Variants in TACC2 observed in about 807,000 individuals in gnomAD.
The protein encoded by TACC2 is transforming acidic coiled-coil containing protein 2.
TACC2 carries 137 observed loss-of-function variants against 227.3 expected under a neutral mutation model. The observed-to-expected ratio is 0.60, with a 90% CI of 0.52 to 0.69. TACC2 has a LOEUF of 0.69. Ranked by LOEUF, TACC2 falls within the 30% of genes least tolerant of loss-of-function variation. TACC2 has a pLI of 0.00. For synonymous variants in TACC2, 1,523 were observed against 1,487.5 expected (o/e 1.02, Z -0.55); for missense variants, 3,470 against 3,694.4 (o/e 0.94, Z 1.57).
At chr10:122,151,952 C>T (rs1402557150) in intron 7 of TACC2, among the ~76,000 whole-genome samples, 1 of 152,202 alleles carries the variant, frequency 6.6e-6, no homozygotes, top group African/African-American at 2.4e-5. Flanking sequence ...CCAGGCTGGA[C>T]TGTGACTCTG....
At chr10:122,044,957 A>C (rs2074800190) in intron 2 of TACC2, among the ~76,000 whole-genome samples, 1 of 152,252 alleles carries the variant, frequency 6.6e-6, no homozygotes, top group Middle Eastern at 3.4e-3. Flanking sequence ...TTAGAAATGC[A>C]TGCTGTTTTG....
At chr10:122,225,354 C>G (rs951410953) in intron 12 of TACC2, among the ~76,000 whole-genome samples, 25 of 152,332 alleles carry the variant, frequency 1.6e-4, no homozygotes, top group African/African-American at 6.0e-4. Flanking sequence ...ATATGTTGCT[C>G]TTTATCTTTC....
chr10:122,191,602 G>A (rs919617320), intron 7 of TACC2, among the ~76,000 whole-genome samples: 11 of 152,170 alleles, frequency 7.2e-5, no homozygotes, highest in Non-Finnish European at 1.5e-4. Flanking sequence ...GTCCTGGGCC[G>A]CATGCAGCCC....
intron 2 of TACC2, among the ~76,000 whole-genome samples, chr10:122,032,219 C>T (rs1001165517): frequency 4.6e-5 from 7 of 152,188 alleles, no homozygotes; most frequent in African/African-American, 7.2e-5. Flanking sequence ...AAAGGCAGCA[C>T]GTATCTATGA....
intron 3 of TACC2, chr10:122,052,032 C>G (rs1039587187): frequency 6.6e-6 from 1 of 152,214 alleles, no homozygotes. Context: ...GGTGCTTCCT[C>G]TACTTCCCCA....
chr10:122,102,710 C>T (rs1244846772), intron 5 of TACC2, among the ~76,000 whole-genome samples: 1 of 152,212 alleles, frequency 6.6e-6, no homozygotes, highest in Non-Finnish European at 1.5e-5. Flanking sequence ...GACCAGCCGT[C>T]AGCACTTTGG....
chr10:121,996,175 C>T (rs1297139153), intron 1 of TACC2, among the ~76,000 whole-genome samples: 3 of 152,086 alleles, frequency 2.0e-5, no homozygotes, highest in Non-Finnish European at 4.4e-5. Flanking sequence ...CACCTCAGCC[C>T]CCCGAGTAGC....
At position 122,084,592 on chromosome 10, in the gene TACC2, C is replaced by T; in HGVS notation, c.2092C>T (p.Pro698Ser). The change falls in exon 4 of 23, where the codon CCT (proline) becomes TCT (serine). Residue 698 changes from proline to serine, a missense_variant. By Grantham distance (74) the Pro-to-Ser change is moderately conservative (BLOSUM62 -1). Transcript: ENST00000369005. ...GGGGTCAGGATTGCAGCCCAAATGT[C>T]CTGACACCCTTCAGAGCAGGGAAGG... ...WEGSGLQPKC[P>S]DTLQSREGLG... The T allele has an allele frequency of 1.2e-6, 2 of 1,613,824 alleles. No homozygotes were observed. Among genetic ancestry groups the T allele is most frequent in the South Asian group, 1.1e-5 (1 of 91,090 alleles).
At position 122,094,471 on chromosome 10, in the gene TACC2, G is replaced by A. The variant is rs113306969; in HGVS notation, c.5573+5880G>A. Among the ~76,000 whole-genome samples the A allele has an allele frequency of 2.1e-4, 32 of 152,198 alleles. 1 individual carries two copies. The highest frequency in any genetic ancestry group is 3.4e-3 in the Middle Eastern group (1 of 294). On this transcript the variant is annotated intron_variant, in intron 5 of 22. Transcript: ENST00000369005. Reference sequence around the variant, plus strand: ...TTTTCAACTTTTTTGTAGAGATGGCGTCTCACTATGTTGTCCAGGCTGGTC... The same window carrying A: ...TTTTCAACTTTTTTGTAGAGATGGCATCTCACTATGTTGTCCAGGCTGGTC...
rs140126969 is a variant in TACC2 at position 122,204,297 on chromosome 10, G to T, written c.5972-6100G>T. ...GCCTGCTTATAAAGGATGAGGAGTG[G>T]CCCCAGGTCACAGCCGGTGTTATTT... On this transcript the variant is annotated intron_variant, in intron 8 of 22. Coordinates refer to ENST00000369005, the MANE Select transcript of TACC2 (RefSeq NM_206862.4). Among the ~76,000 whole-genome samples the T allele has an allele frequency of 1.7e-3, 257 of 152,258 alleles. 3 individuals are homozygous for T. Among genetic ancestry groups the T allele is most frequent in the African/African-American group, 5.8e-3 (239 of 41,556 alleles).
intron 3 of TACC2, among the ~76,000 whole-genome samples, chr10:122,072,799 C>T (rs1056652364): frequency 1.3e-5 from 2 of 151,948 alleles, no homozygotes; most frequent in African/African-American, 4.8e-5. Context: ...GAGCGTAGAC[C>T]CAGTGCTAGA....
intron 1 of TACC2, among the ~76,000 whole-genome samples, chr10:121,994,146 C>T (rs1229602876): frequency 1.3e-5 from 2 of 152,134 alleles, no homozygotes; most frequent in East Asian, 1.9e-4. Flanking sequence ...GTTTAGAACT[C>T]GCCTAACTAA....
chr10:122,021,921 C>T lies in TACC2; in HGVS notation c.-45-16C>T, dbSNP rs571949790. On this transcript the variant is annotated splice_polypyrimidine_tract_variant and intron_variant, in intron 1 of 22. Transcript: ENST00000369005. Reference sequence around the variant, plus strand: ...TTTTCATTTCACAGACGTTTATACCCTTTTGTTTCTTCCAGTCACCTCTGA... The same window carrying T: ...TTTTCATTTCACAGACGTTTATACCTTTTTGTTTCTTCCAGTCACCTCTGA... 4.3e-5 allele frequency: 65 copies of T among 1,522,926 alleles called. 2 individuals are homozygous for T. The highest frequency in any genetic ancestry group is 3.4e-4 in the Middle Eastern group (2 of 5,890). The allele number at this position is 1,522,926 out of a possible 1,614,324, so 94.3% of individuals were successfully genotyped here. A position where few individuals can be genotyped will look rare whatever the true frequency, so the allele number is the denominator to read the frequency against.
At chr10:122,011,627 C>A (rs773708032) in intron 1 of TACC2, among the ~76,000 whole-genome samples, 52 of 152,188 alleles carry the variant, frequency 3.4e-4, no homozygotes, top group Non-Finnish European at 6.8e-4. Context: ...CGTGCCTGGC[C>A]ATAGTCCCTC....
intron 6 of TACC2, among the ~76,000 whole-genome samples, chr10:122,143,226 G>C (rs2090890597): frequency 6.6e-6 from 1 of 152,072 alleles, no homozygotes. Context: ...CAAACGAATA[G>C]AAATCATCAT....
At chr10:122,113,002 C>G (rs2083909823) in intron 5 of TACC2, 1 of 152,268 alleles carries the variant, frequency 6.6e-6, no homozygotes, top group South Asian at 2.1e-4. Context: ...CCGCCGCTCG[C>G]CCAGTCATTG....
intron 2 of TACC2, among the ~76,000 whole-genome samples, chr10:122,044,273 G>A (rs548929904): frequency 6.6e-6 from 1 of 152,350 alleles, no homozygotes; most frequent in Non-Finnish European, 1.5e-5. Flanking sequence ...AGGTTAGGCT[G>A]AGGTGTCCTC....
intron 2 of TACC2, among the ~76,000 whole-genome samples, chr10:122,028,090 T>TC (rs1958319327): frequency 8.2e-6 from 1 of 122,160 alleles, no homozygotes; most frequent in African/African-American, 3.1e-5. Context: ...CTTTCTTTTT[T>TC]TTTTTTTTTT....
In TACC2 at chr10:122,086,743, ATCT is replaced by A. The variant is rs2080133301; in HGVS notation, c.4246_4248del (p.Phe1416del). ...AGACTTCAGGGAGCACATCGCCAAG[ATCT>A]TCGAGAAGCCTGTGCTCGGAGCCCT... On this transcript the variant is annotated inframe_deletion, in exon 4 of 23. Coordinates refer to ENST00000369005, the MANE Select transcript of TACC2 (RefSeq NM_206862.4). The A allele has an allele frequency of 6.2e-7, 1 of 1,613,934 alleles. No homozygotes were observed. Among genetic ancestry groups the A allele is most frequent in the Non-Finnish European group, 8.5e-7 (1 of 1,179,980 alleles).
Sources: allele counts gnomAD v4.1 joint callset (sites outside exome capture counted in the v4.1 genomes callset), GRCh38; gene constraint gnomAD v4.1.1; transcripts MANE v1.5; gene names NCBI Gene and HGNC (gene_info 2026-07-23, HGNC 2026-07-21).